Variants in RERE observed in about 807,000 individuals in gnomAD.
The protein encoded by RERE is arginine-glutamic acid dipeptide repeats protein.
A neutral mutation model predicts 146.1 loss-of-function variants in RERE; 40 were observed. That is an observed-to-expected ratio of 0.27 (90% CI 0.21 to 0.36). The LOEUF is 0.36. Ranked by LOEUF, RERE falls within the 10% of genes least tolerant of loss-of-function variation. The probability of loss-of-function intolerance (pLI) is 1.00; values close to 1 mark genes in which losing one functional copy is unlikely to be tolerated. For missense variants in RERE, 1,933 were observed against 2,138.7 expected (o/e 0.90, Z 1.90); for synonymous variants, 1,003 against 866.0 (o/e 1.16, Z -2.78).
chr1:8,360,772 G>C lies in RERE; in HGVS notation c.2735C>G (p.Pro912Arg). Residue 912 changes from proline to arginine, a missense_variant, in exon 18 of 23, where the codon CCT becomes CGT. Coordinates refer to ENST00000400908, the MANE Select transcript of RERE (RefSeq NM_001042681.2). Reference sequence around the variant, plus strand: ...TGGTGGCAGGGGCTGCTCCCGTGGAGGCTGTTGGGACTGCAGCGCTGACTG... The same window carrying C: ...TGGTGGCAGGGGCTGCTCCCGTGGACGCTGTTGGGACTGCAGCGCTGACTG... The part of the protein sequence containing the change: ...ASQSALQSQQ[P>R]PREQPLPPAP... The C allele has an allele frequency of 6.3e-7, 1 of 1,597,604 alleles. No homozygotes were observed. The highest frequency in any genetic ancestry group is 2.2e-5 in the East Asian group (1 of 44,694).
chr1:8,502,011 A>G (rs1444905360), intron 8 of RERE, among the ~76,000 whole-genome samples: 1 of 96,892 alleles, frequency 1.0e-5, no homozygotes, highest in African/African-American at 3.9e-5. Context: ...CCGCCCGGCC[A>G]GCCGCCCCGT....
chr1:8,399,707 T>G (rs1184317475), intron 12 of RERE, among the ~76,000 whole-genome samples: 1 of 152,190 alleles, frequency 6.6e-6, no homozygotes, highest in African/African-American at 2.4e-5. Context: ...AGGGGATCTT[T>G]ATAATGCAGA....
At position 8,360,467 on chromosome 1, in the gene RERE, G is replaced by GGGGGGGGGGGC; in HGVS notation, c.3039_3040insGCCCCCCCCCC (p.Pro1014AlafsTer71). ...GGGGGGTGGGAGGCAGGGGGCGGGG[G>GGGGGGGGGGGC]CAGGTTCTGGCTCTGGGTCAGCCCG... On this transcript the variant is annotated frameshift_variant, in exon 18 of 23. Coordinates refer to ENST00000400908, the MANE Select transcript of RERE (RefSeq NM_001042681.2). LOFTEE classifies it high-confidence loss of function. 1.7e-6 allele frequency: 1 copy of GGGGGGGGGGGC among 591,154 alleles called. No homozygotes were observed. Among genetic ancestry groups the GGGGGGGGGGGC allele is most frequent in the Non-Finnish European group, 2.6e-6 (1 of 379,750 alleles). The allele number at this position is 591,154 out of a possible 1,614,324, so 36.6% of individuals were successfully genotyped here.
At chr1:8,539,388 TTTTC>T (rs1224791831) in intron 7 of RERE, among the ~76,000 whole-genome samples, 2 of 131,472 alleles carry the variant, frequency 1.5e-5, no homozygotes, top group African/African-American at 5.9e-5. Flanking sequence ...ACCATCATAG[TTTTC>T]TTTCTTTTCC....
rs1245489229 is a variant in RERE at position 8,364,919 on chromosome 1, G to A, written c.1448-81C>T. ...GGCTGGGCCGGTGGGGTGGGGGGGAGGGGGGAACACCTGTGACCTCTGGCC... is the reference window on the plus strand; with the variant it reads ...GGCTGGGCCGGTGGGGTGGGGGGGAAGGGGGAACACCTGTGACCTCTGGCC... On this transcript the variant is annotated intron_variant, in intron 13 of 22. Coordinates refer to ENST00000400908, the MANE Select transcript of RERE (RefSeq NM_001042681.2). The surrounding 1 kb of genome is among the most constrained non-coding windows in gnomAD (Gnocchi z 5.1). 1.9e-6 allele frequency: 1 copy of A among 519,756 alleles called. No homozygotes were observed. The allele number at this position is 519,756 out of a possible 1,614,324, so 32.2% of individuals were successfully genotyped here.
chr1:8,482,388 A>T (rs80243135), intron 10 of RERE, among the ~76,000 whole-genome samples: 1 of 152,120 alleles, frequency 6.6e-6, no homozygotes, highest in Non-Finnish European at 1.5e-5. Context: ...CATTCAAACA[A>T]GACAAAAAAT....
intron 6 of RERE, among the ~76,000 whole-genome samples, chr1:8,553,231 C>T (rs2124416860): frequency 6.6e-6 from 1 of 151,984 alleles, no homozygotes; most frequent in South Asian, 2.1e-4. Context: ...ATTAGGCCAG[C>T]ATGTCCACAT....
At chr1:8,577,860 G>A (rs1646315483) in intron 4 of RERE, among the ~76,000 whole-genome samples, 1 of 152,174 alleles carries the variant, frequency 6.6e-6, no homozygotes, top group Admixed American at 6.5e-5. Flanking sequence ...TTGGGAGGCC[G>A]AGATGGGCGA....
rs550412501 is a variant in RERE, at chr1:8,440,459, C to T, written c.1204-17652G>A. On this transcript the variant is annotated intron_variant, in intron 11 of 22. Coordinates refer to ENST00000400908, the MANE Select transcript of RERE (RefSeq NM_001042681.2). ...ACAAACAATTAGCTGGGCGTGGTGG[C>T]GCATGCCTGTAATCCCAGCTACTCA... is the stretch of plus-strand genomic sequence containing the variant. 2.9e-4 allele frequency among the ~76,000 whole-genome samples: 43 copies of T among 150,840 alleles called. 1 individual carries two copies. In the South Asian group the frequency reaches 4.4e-3, roughly 16 times the overall value.
At chr1:8,748,126 C>A (rs12024032) in intron 1 of RERE, among the ~76,000 whole-genome samples, 1 of 151,908 alleles carries the variant, frequency 6.6e-6, no homozygotes, top group African/African-American at 2.4e-5. Flanking sequence ...CACATAATTT[C>A]GTCTAAAGTT....
At chr1:8,721,337 A>G (rs12030885) in intron 1 of RERE, among the ~76,000 whole-genome samples, 87,677 of 151,840 alleles carry the variant, frequency 0.58, 25,913 homozygotes, top group East Asian at 0.85. Flanking sequence ...TTTTAGAAGG[A>G]GTCTCGCTCT....
chr1:8,777,016 C>A (rs1641077312), intron 1 of RERE, among the ~76,000 whole-genome samples: 2 of 152,254 alleles, frequency 1.3e-5, no homozygotes, highest in South Asian at 2.1e-4. Context: ...GGATTACAGG[C>A]ATGAGCCACC....
At chr1:8,457,750 A>C (rs1179394715) in intron 11 of RERE, among the ~76,000 whole-genome samples, 1 of 151,954 alleles carries the variant, frequency 6.6e-6, no homozygotes, top group Non-Finnish European at 1.5e-5. Context: ...ACAAGCACGC[A>C]CCACCACGCC....
chr1:8,449,473 T>C (rs1428933685), intron 11 of RERE, among the ~76,000 whole-genome samples: 1 of 152,200 alleles, frequency 6.6e-6, no homozygotes, highest in Non-Finnish European at 1.5e-5. Flanking sequence ...AACCAGACCT[T>C]TCTCTTCTAA....
chr1:8,721,367 A>C (rs943154034), intron 1 of RERE, among the ~76,000 whole-genome samples: 1 of 152,126 alleles, frequency 6.6e-6, no homozygotes, highest in African/African-American at 2.4e-5. Context: ...GCTGGAGTGC[A>C]GTGGCCCAAC....
At chr1:8,624,083 T>G (rs1414759327) in intron 3 of RERE, among the ~76,000 whole-genome samples, 1 of 152,220 alleles carries the variant, frequency 6.6e-6, no homozygotes, top group Non-Finnish European at 1.5e-5. Flanking sequence ...GGATAAAAAC[T>G]TCAGAAATAT....
At chr1:8,362,972 G>A in intron 15 of RERE, 128 bp from the exon 16 acceptor site, 6 of 1,032,290 alleles carry the variant, frequency 5.8e-6, no homozygotes, top group Non-Finnish European at 7.0e-6. Context: ...CCAGACCTTG[G>A]CAAACAACAG....
chr1:8,676,706 T>C (rs1433065118), intron 1 of RERE, among the ~76,000 whole-genome samples: 2 of 152,200 alleles, frequency 1.3e-5, no homozygotes, highest in African/African-American at 4.8e-5. Flanking sequence ...AATCCCTCTG[T>C]GGTCCCCAGG....
chr1:8,574,981 C>T (rs894934712), intron 4 of RERE, among the ~76,000 whole-genome samples: 13 of 152,128 alleles, frequency 8.5e-5, no homozygotes, highest in Admixed American at 3.9e-4. Context: ...AAGTCTAATT[C>T]GCAAATGCTA....
Sources: gnomAD v4.1 joint callset for allele counts (sites outside exome capture counted in the v4.1 genomes callset) on GRCh38, gnomAD v4.1.1 for gene constraint, Gnocchi (gnomAD v3.1) non-coding constraint, MANE v1.5 for transcripts, NCBI Gene and HGNC (gene_info 2026-07-23, HGNC 2026-07-21) for gene names.